The following RBM20 variants were observed in gnomAD, a reference collection of about 807,000 sequenced individuals.
The protein encoded by RBM20 is RNA-binding protein 20.
Under a neutral mutation model 110.1 loss-of-function variants are expected in RBM20, and 51 were observed. The observed-to-expected ratio is 0.46, with a 90% confidence interval of 0.37 to 0.59. The LOEUF is 0.59. Among genes scored for constraint, RBM20 ranks in the 20% least tolerant of loss-of-function variants. RBM20 has a pLI of 0.00. For missense variants in RBM20, 1,512 were observed against 1,574.9 expected (o/e 0.96, Z 0.68); for synonymous variants, 589 against 618.2 (o/e 0.95, Z 0.70).
intron 7 of RBM20, among the ~76,000 whole-genome samples, chr10:110,809,561 G>A (rs1171925841): frequency 2.0e-5 from 3 of 152,142 alleles, no homozygotes; most frequent in African/African-American, 4.8e-5. Flanking sequence ...GGCTTTGGTC[G>A]GGAATGGGGG....
intron 1 of RBM20, among the ~76,000 whole-genome samples, chr10:110,716,799 C>A (rs1863024685): frequency 6.6e-6 from 1 of 151,664 alleles, no homozygotes; most frequent in African/African-American, 2.4e-5. Context: ...CGCCTGTAGT[C>A]CCAGCTACTT....
At chr10:110,650,071 A>G (rs1861924848) in intron 1 of RBM20, among the ~76,000 whole-genome samples, 1 of 152,224 alleles carries the variant, frequency 6.6e-6, no homozygotes, top group African/African-American at 2.4e-5. Context: ...GAGCTGTACA[A>G]GATTTTAGTC....
intron 1 of RBM20, 111 bp from the exon 2 acceptor site, chr10:110,780,690 G>A: frequency 8.2e-7 from 1 of 1,219,650 alleles, no homozygotes; most frequent in Non-Finnish European, 1.1e-6. Flanking sequence ...TGTGGGACCA[G>A]TGTGGGAAGG....
intron 1 of RBM20, among the ~76,000 whole-genome samples, chr10:110,710,701 A>G (rs1027072414): frequency 2.0e-5 from 3 of 152,212 alleles, no homozygotes; most frequent in African/African-American, 7.2e-5. Context: ...TTCTGTGCAG[A>G]TAGGGCACCC....
At chr10:110,715,654 G>C (rs1367669907) in intron 1 of RBM20, among the ~76,000 whole-genome samples, 1 of 152,204 alleles carries the variant, frequency 6.6e-6, no homozygotes, top group Admixed American at 6.5e-5. Flanking sequence ...GGTGAATATT[G>C]AGGGGCTGCT....
rs149631914 is a variant in RBM20, at chr10:110,644,997, G to A, written c.191+352G>A. 1.3e-5 allele frequency among the ~76,000 whole-genome samples: 2 copies of A among 152,204 alleles called. No individual in the cohort carries two copies. The highest frequency in any genetic ancestry group is 1.9e-4 in the East Asian group (1 of 5,172). On this transcript the variant is annotated intron_variant, in intron 1 of 13. Coordinates refer to ENST00000369519, the MANE Select transcript of RBM20 (RefSeq NM_001134363.3). The surrounding 1 kb of genome is among the most constrained non-coding windows in gnomAD (Gnocchi z 4.3). ...CAAGAGGACGCTGGAATGGAGAGTC[G>A]TGCGTGAGTGTGTGCGCGCGCGTGA...
At chr10:110,823,720 C>A (rs1181508213) in intron 12 of RBM20, 106 bp downstream of exon 12, 3 of 1,258,620 alleles carry the variant, frequency 2.4e-6, no homozygotes, top group Admixed American at 2.2e-5. Context: ...TTGTTGACAT[C>A]GTTTTTTGTT....
intron 1 of RBM20, among the ~76,000 whole-genome samples, chr10:110,694,903 G>A (rs1423843679): frequency 6.6e-6 from 1 of 152,126 alleles, no homozygotes; most frequent in Non-Finnish European, 1.5e-5. Context: ...AAGAATTGGA[G>A]TAAGTCAGGC....
chr10:110,672,366 TAG>T (rs1333962012), intron 1 of RBM20, among the ~76,000 whole-genome samples: 1 of 152,216 alleles, frequency 6.6e-6, no homozygotes. Flanking sequence ...GTTTGAAAAC[TAG>T]AAGCCTGAGA....
chr10:110,643,923 TC>T (rs1861824749), upstream of RBM20, among the ~76,000 whole-genome samples: 1 of 152,024 alleles, frequency 6.6e-6, no homozygotes, highest in South Asian at 2.1e-4. Flanking sequence ...GCGCGCTCGG[TC>T]CGCCCGGCTT....
chr10:110,732,809 T>C lies in RBM20; in HGVS notation c.192-47992T>C, dbSNP rs549654436. 3.9e-5 allele frequency among the ~76,000 whole-genome samples: 6 copies of C among 152,272 alleles called. No individual in the cohort carries two copies. The East Asian group carries it at 9.6e-4, about 24-fold the overall frequency. On this transcript the variant is annotated intron_variant, in intron 1 of 13. Transcript: ENST00000369519. ...GTTTTGAAGACCTCACTGGAAATCA[T>C]TGACTGTGTTGACCTCTGGAACCAT...
At chr10:110,781,917 C>T in intron 2 of RBM20, 33 bp downstream of exon 2, 1 of 1,551,512 alleles carries the variant, frequency 6.4e-7, no homozygotes, top group Non-Finnish European at 8.7e-7. Flanking sequence ...GGAGCCACAG[C>T]TAGAAGCCTG....
At chr10:110,679,373 G>A (rs1347911001) in intron 1 of RBM20, among the ~76,000 whole-genome samples, 1 of 152,026 alleles carries the variant, frequency 6.6e-6, no homozygotes, top group Non-Finnish European at 1.5e-5. Flanking sequence ...ATAGGCACGA[G>A]CCACCATGCC....
At chr10:110,767,421 T>G (rs1844115608) in intron 1 of RBM20, among the ~76,000 whole-genome samples, 3 of 143,178 alleles carry the variant, frequency 2.1e-5, no homozygotes, top group Non-Finnish European at 3.1e-5. Flanking sequence ...ACGGGGTGGC[T>G]GCCGGGCAGA....
At chr10:110,735,869 TG>T (rs1331631816) in intron 1 of RBM20, among the ~76,000 whole-genome samples, 1 of 152,228 alleles carries the variant, frequency 6.6e-6, no homozygotes, top group Non-Finnish European at 1.5e-5. Flanking sequence ...TGTTCAGGAT[TG>T]CTGATCTCAT....
intron 1 of RBM20, among the ~76,000 whole-genome samples, chr10:110,713,237 C>T: frequency 6.6e-6 from 1 of 152,344 alleles, no homozygotes; most frequent in East Asian, 1.9e-4. Context: ...CACTAGGATT[C>T]CAGGTCTGGC....
At chr10:110,759,073 T>C (rs1000317761) in intron 1 of RBM20, among the ~76,000 whole-genome samples, 6 of 152,240 alleles carry the variant, frequency 3.9e-5, no homozygotes, top group African/African-American at 1.2e-4. Flanking sequence ...TCATTCCACA[T>C]TGGCTGACTC....
intron 10 of RBM20, 127 bp downstream of exon 10, chr10:110,820,303 C>A (rs1384481392): frequency 3.2e-6 from 2 of 626,578 alleles, no homozygotes; most frequent in African/African-American, 1.8e-5. Context: ...CATGAATGAA[C>A]CAGTCCTCCT....
At chr10:110,688,071 AAAT>A (rs1862532572) in intron 1 of RBM20, among the ~76,000 whole-genome samples, 1 of 151,926 alleles carries the variant, frequency 6.6e-6, no homozygotes, top group East Asian at 1.9e-4. Context: ...GGAGAGAGAG[AAAT>A]AATGAGTTGA....
Sources: allele counts gnomAD v4.1 joint callset (sites outside exome capture counted in the v4.1 genomes callset), GRCh38; gene constraint gnomAD v4.1.1; non-coding constraint Gnocchi (gnomAD v3.1); transcripts MANE v1.5; gene names NCBI Gene and HGNC (gene_info 2026-07-23, HGNC 2026-07-21).